The following GNA14 variants were observed in gnomAD, a reference collection of about 807,000 sequenced individuals.
The protein encoded by GNA14 is G protein subunit alpha 14.
In GNA14, 50 loss-of-function variants were observed where a neutral mutation model predicts 42.0. The observed-to-expected ratio is 1.19, with a 90% CI of 0.95 to 1.51. GNA14 has a LOEUF of 1.51. GNA14 is among the 40% of genes most tolerant of loss of function. The probability of loss-of-function intolerance (pLI) is 0.00; values close to 1 mark genes in which losing one functional copy is unlikely to be tolerated. For missense variants in GNA14, 473 were observed against 446.2 expected (o/e 1.06, Z -0.54); for synonymous variants, 173 against 163.1 (o/e 1.06, Z -0.46).
At chr9:77,537,656 T>C (rs914209118) in intron 1 of GNA14, among the ~76,000 whole-genome samples, 10 of 152,242 alleles carry the variant, frequency 6.6e-5, no homozygotes, top group African/African-American at 2.4e-4. Context: ...GAATTCTCCA[T>C]ACTGTTTTCC....
At chr9:77,564,148 G>T (rs73460100) in intron 1 of GNA14, among the ~76,000 whole-genome samples, 6,399 of 152,132 alleles carry the variant, frequency 0.042, 142 homozygotes, top group South Asian at 0.052. Flanking sequence ...GAGTCTACTG[G>T]TAATTGTTTG....
chr9:77,493,210 T>G (rs555072481), intron 2 of GNA14, among the ~76,000 whole-genome samples: 8 of 151,548 alleles, frequency 5.3e-5, no homozygotes, highest in Non-Finnish European at 1.2e-4. Context: ...CAAAGTCTTA[T>G]CTCTACTAGA....
At chr9:77,555,972 C>A (rs1822775505) in intron 1 of GNA14, among the ~76,000 whole-genome samples, 1 of 152,174 alleles carries the variant, frequency 6.6e-6, no homozygotes, top group African/African-American at 2.4e-5. Context: ...AGGCCGGGCA[C>A]AGTGGCTCAT....
chr9:77,455,712 CCTTATGCTTCGCTG>C (rs1358638128), intron 2 of GNA14, among the ~76,000 whole-genome samples: 8 of 152,210 alleles, frequency 5.3e-5, no homozygotes, highest in African/African-American at 1.9e-4. Context: ...AACCAAGACC[CCTTATGCTTCGCTG>C]AGAGACTGGT....
chr9:77,441,323 C>G (rs1372854069), intron 2 of GNA14, among the ~76,000 whole-genome samples: 1 of 152,004 alleles, frequency 6.6e-6, no homozygotes, highest in African/African-American at 2.4e-5. Context: ...CTTGACAGTT[C>G]CCTCTTCACA....
At chr9:77,494,216 G>A (rs565057110) in intron 2 of GNA14, among the ~76,000 whole-genome samples, 338 of 152,070 alleles carry the variant, frequency 2.2e-3, no homozygotes, top group Admixed American at 3.7e-3. Context: ...CACCGTGCCC[G>A]GCCAAAATAT....
chr9:77,431,444 A>G lies in GNA14; in HGVS notation c.470T>C (p.Leu157Pro). ...YQLSDSAKYYLTDIDRIATPS... is the reference protein window; with the variant it reads ...YQLSDSAKYYPTDIDRIATPS... ...TGTGGCGATGCGGTCAATGTCAGTC[A>G]GGTAACTGTATATTAGAGAACGAGG... The change falls in exon 4 of 7, where the codon CTG becomes CCG. Residue 157 changes from leucine to proline, a missense_variant. Coordinates refer to ENST00000341700, the MANE Select transcript of GNA14 (RefSeq NM_004297.4). 1 of 1,612,526 alleles carries G rather than the reference A, an allele frequency of 6.2e-7. No homozygotes were observed. The highest frequency in any genetic ancestry group is 8.5e-7 in the Non-Finnish European group (1 of 1,178,912).
At chr9:77,592,295 GGT>G (rs892451652) in intron 1 of GNA14, among the ~76,000 whole-genome samples, 21 of 152,132 alleles carry the variant, frequency 1.4e-4, no homozygotes, top group Admixed American at 9.2e-4. Flanking sequence ...GTAATTGTGT[GGT>G]GTGTGTGTGT....
intron 2 of GNA14, among the ~76,000 whole-genome samples, chr9:77,439,792 A>C (rs1281966224): frequency 6.6e-6 from 1 of 152,186 alleles, no homozygotes; most frequent in African/African-American, 2.4e-5. Context: ...AGGGACCCTC[A>C]TGCGCTGTGG....
intron 1 of GNA14, among the ~76,000 whole-genome samples, chr9:77,545,908 A>G (rs1018748109): frequency 7.9e-5 from 12 of 152,114 alleles, no homozygotes; most frequent in Non-Finnish European, 1.3e-4. Flanking sequence ...ACCTGACAAC[A>G]CCAGCTGTAA....
intron 1 of GNA14, among the ~76,000 whole-genome samples, chr9:77,602,929 ATGTAGCCTGTAC>A (rs1462021743): frequency 6.6e-6 from 1 of 152,208 alleles, no homozygotes; most frequent in Admixed American, 6.5e-5. Flanking sequence ...CCCACAAAGT[ATGTAGCCTGTAC>A]TGTACACATT....
chr9:77,461,988 T>TA (rs1312209764), intron 2 of GNA14, among the ~76,000 whole-genome samples: 2 of 152,150 alleles, frequency 1.3e-5, no homozygotes, highest in African/African-American at 4.8e-5. Context: ...AAACCGCTAT[T>TA]AGGGGTCAAG....
At chr9:77,546,021 G>A (rs1042692650) in intron 1 of GNA14, among the ~76,000 whole-genome samples, 5 of 151,920 alleles carry the variant, frequency 3.3e-5, no homozygotes, top group African/African-American at 7.3e-5. Context: ...TTCGAGACCA[G>A]CCTGGCCAAC....
chr9:77,638,338 C>G (rs567074645), intron 1 of GNA14, among the ~76,000 whole-genome samples: 2 of 152,250 alleles, frequency 1.3e-5, no homozygotes, highest in Non-Finnish European at 2.9e-5. Context: ...TCCAAGATAA[C>G]AGCTATGAAG....
intron 1 of GNA14, among the ~76,000 whole-genome samples, chr9:77,644,261 C>T (rs1313339489): frequency 1.3e-5 from 2 of 151,660 alleles, no homozygotes; most frequent in East Asian, 1.9e-4. Flanking sequence ...GCCCAGCGAT[C>T]ATTTGAGACC....
At chr9:77,432,214 A>G (rs530824461) in intron 3 of GNA14, among the ~76,000 whole-genome samples, 139 of 152,212 alleles carry the variant, frequency 9.1e-4, no homozygotes, top group Admixed American at 2.0e-3. Context: ...AGCCCGCTGC[A>G]TGCTGAGGTC....
intron 2 of GNA14, among the ~76,000 whole-genome samples, chr9:77,489,248 T>C (rs548937629): frequency 6.6e-6 from 1 of 150,720 alleles, no homozygotes; most frequent in Non-Finnish European, 1.5e-5. Context: ...AAGAAAATAA[T>C]GAAAAGAAAT....
chr9:77,465,661 T>C (rs1836209532), intron 2 of GNA14, among the ~76,000 whole-genome samples: 1 of 70,428 alleles, frequency 1.4e-5, no homozygotes, highest in African/African-American at 6.0e-5. Flanking sequence ...CTACCTTTGC[T>C]TGATATAGGA....
chr9:77,446,408 C>T (rs142983960), intron 2 of GNA14, among the ~76,000 whole-genome samples: 2 of 152,312 alleles, frequency 1.3e-5, no homozygotes, highest in East Asian at 3.9e-4. Context: ...CCAGGATGGC[C>T]GCGGGTCCAG....
Sources: allele counts gnomAD v4.1 joint callset (sites outside exome capture counted in the v4.1 genomes callset), GRCh38; gene constraint gnomAD v4.1.1; transcripts MANE v1.5; gene names NCBI Gene and HGNC (gene_info 2026-07-23, HGNC 2026-07-21).